Variants in OTUD3 observed in about 807,000 individuals in gnomAD.
OTUD3 encodes the protein OTU deubiquitinase 3, also known as OTU domain-containing protein 3.
A neutral mutation model predicts 46.2 loss-of-function variants in OTUD3; 24 were observed. The ratio of observed to expected loss-of-function variants is 0.52; its 90% confidence interval spans 0.38 to 0.73. The LOEUF is 0.73. Among genes scored for constraint, OTUD3 ranks in the 30% least tolerant of loss-of-function variants. The pLI is 0.00. For missense variants in OTUD3, 455 were observed against 523.3 expected, an observed-to-expected ratio of 0.87 and a Z score of 1.27; for synonymous variants, 189 against 195.4, an observed-to-expected ratio of 0.97 and a Z score of 0.27.
chr1:19,890,679 G>T, intron 2 of OTUD3, 146 bp downstream of exon 2: 1 of 755,612 alleles, frequency 1.3e-6, no homozygotes. Context: ...TGCCTACTTG[G>T]TTATCGGCAG....
Position 19,882,641 on chromosome 1 carries a change from C to G in OTUD3, c.128C>G (p.Ser43Cys). 2 of 1,462,420 alleles carry G rather than the reference C, an allele frequency of 1.4e-6. No homozygotes were observed. Among genetic ancestry groups the G allele is most frequent in the Non-Finnish European group, 1.8e-6 (2 of 1,109,284 alleles). 90.6% of individuals were successfully genotyped at this position (1,462,420 alleles called of 1,614,324 possible). ...LAKERRNRPE[S>C]GGGGGCEEEF... ...AAGGAGCGGCGGAATCGGCCGGAGT[C>G]TGGCGGCGGCGGCGGCTGCGAGGAG... Residue 43 changes from serine (S) to cysteine (C), a missense_variant, in exon 1 of 8, where the codon TCT becomes TGT. Physicochemically the swap from Ser to Cys is moderately radical, Grantham distance 112 (BLOSUM62 -1). Transcript: ENST00000375120.
chr1:19,897,009 C>T (rs1051805157), intron 3 of OTUD3, among the ~76,000 whole-genome samples: 1 of 152,154 alleles, frequency 6.6e-6, no homozygotes, highest in Non-Finnish European at 1.5e-5. Flanking sequence ...ATGCTATTTT[C>T]GTTTTAACGA....
intron 4 of OTUD3, among the ~76,000 whole-genome samples, chr1:19,900,176 A>G (rs2045567123): frequency 6.6e-6 from 1 of 152,174 alleles, no homozygotes; most frequent in Admixed American, 6.5e-5. Context: ...CCCATAGTTT[A>G]GAATAGTACT....
intron 4 of OTUD3, among the ~76,000 whole-genome samples, chr1:19,898,380 G>A (rs2045544176): frequency 1.3e-5 from 2 of 152,116 alleles, no homozygotes; most frequent in Non-Finnish European, 2.9e-5. Flanking sequence ...TTAATTTAAT[G>A]CATTAAAACA....
At chr1:19,900,953 T>C (rs1285643822) in intron 4 of OTUD3, among the ~76,000 whole-genome samples, 1 of 147,788 alleles carries the variant, frequency 6.8e-6, no homozygotes, top group Non-Finnish European at 1.5e-5. Context: ...AGTCTTGCTC[T>C]GTTGCCCTGT....
Position 19,882,405 on chromosome 1 carries a change from C to G in OTUD3, c.-109C>G. The G allele has an allele frequency of 7.7e-7, 1 of 1,299,390 alleles. No individual in the cohort carries two copies. The highest frequency in any genetic ancestry group is 9.7e-7 in the Non-Finnish European group (1 of 1,026,584). The allele number at this position is 1,299,390 out of a possible 1,614,324, so 80.5% of individuals were successfully genotyped here. A position where few individuals can be genotyped will look rare whatever the true frequency, so the allele number is the denominator to read the frequency against. On this transcript the variant is annotated 5_prime_UTR_variant, in exon 1 of 8. Coordinates refer to ENST00000375120, the MANE Select transcript of OTUD3 (RefSeq NM_015207.2). ...GGCGCAGGCGCGGTTGCTGCGTAGTCGTCGCCGGGCTCCGTTGCCCGCGCT... is the reference window on the plus strand; with the variant it reads ...GGCGCAGGCGCGGTTGCTGCGTAGTGGTCGCCGGGCTCCGTTGCCCGCGCT...
Position 19,882,643 on chromosome 1 carries a change from G to T in OTUD3, c.130G>T (p.Gly44Cys). The change falls in exon 1 of 8, where the codon GGC (glycine) becomes TGC (cysteine). Residue 44 changes from glycine to cysteine, a missense_variant. By Grantham distance (159) the Gly-to-Cys change is radical (BLOSUM62 -3). Coordinates refer to ENST00000375120, the MANE Select transcript of OTUD3 (RefSeq NM_015207.2). Reference sequence around the variant, plus strand: ...GGAGCGGCGGAATCGGCCGGAGTCTGGCGGCGGCGGCGGCTGCGAGGAGGA... The same window carrying T: ...GGAGCGGCGGAATCGGCCGGAGTCTTGCGGCGGCGGCGGCTGCGAGGAGGA... Reference protein sequence around the residue: ...AKERRNRPESGGGGGCEEEFV... With the variant: ...AKERRNRPESCGGGGCEEEFV... 7.0e-7 allele frequency: 1 copy of T among 1,437,624 alleles called. No individual in the cohort carries two copies. 89.1% of individuals were successfully genotyped at this position (1,437,624 alleles called of 1,614,324 possible).
intron 1 of OTUD3, among the ~76,000 whole-genome samples, chr1:19,888,235 C>T (rs1264049727): frequency 6.6e-6 from 1 of 152,180 alleles, no homozygotes; most frequent in South Asian, 2.1e-4. Context: ...AAAAATGATC[C>T]TGGAATGTCA....
intron 6 of OTUD3, among the ~76,000 whole-genome samples, chr1:19,905,372 T>C (rs79127348): frequency 0.021 from 3,139 of 152,132 alleles, 44 homozygotes; most frequent in Non-Finnish European, 0.033. Context: ...ATATTTAGAT[T>C]TGTATTAGCT....
chr1:19,901,902 C>A (rs2045594552), intron 4 of OTUD3, among the ~76,000 whole-genome samples: 1 of 152,092 alleles, frequency 6.6e-6, no homozygotes, highest in South Asian at 2.1e-4. Context: ...ATTTTTTGTG[C>A]ACCCATTCAT....
intron 1 of OTUD3, among the ~76,000 whole-genome samples, chr1:19,885,468 C>G (rs986111436): frequency 2.0e-5 from 3 of 152,100 alleles, no homozygotes; most frequent in Non-Finnish European, 2.9e-5. Flanking sequence ...TCTTCTACCC[C>G]CCTCAGACGG....
chr1:19,893,383 A>G (rs2045475607), intron 2 of OTUD3, among the ~76,000 whole-genome samples: 1 of 152,190 alleles, frequency 6.6e-6, no homozygotes, highest in Non-Finnish European at 1.5e-5. Flanking sequence ...AGCCAAAGGA[A>G]GAGATGCATA....
intron 2 of OTUD3, among the ~76,000 whole-genome samples, chr1:19,891,625 CAA>C (rs1367965445): frequency 1.2e-4 from 19 of 152,206 alleles, no homozygotes; most frequent in South Asian, 4.1e-4. Flanking sequence ...AGGGAGGAGA[CAA>C]GAGTGATTCT....
chr1:19,900,838 C>CT (rs2045577048), intron 4 of OTUD3, among the ~76,000 whole-genome samples: 1 of 136,480 alleles, frequency 7.3e-6, no homozygotes, highest in Non-Finnish European at 1.6e-5. Context: ...TATATGTTGT[C>CT]TTTTTTAAAA....
intron 1 of OTUD3, among the ~76,000 whole-genome samples, chr1:19,885,004 G>C (rs529593622): frequency 6.6e-6 from 1 of 152,284 alleles, no homozygotes; most frequent in East Asian, 1.9e-4. Context: ...CTCTCAGAGG[G>C]TGTCATGCTC....
chr1:19,897,687 C>T (rs1188815483), intron 4 of OTUD3, 25 bp downstream of exon 4: 13 of 1,608,594 alleles, frequency 8.1e-6, no homozygotes, highest in South Asian at 1.1e-5. Context: ...GGATTTCTCC[C>T]GTATTCCCCG....
chr1:19,902,859 T>C (rs2045609343), intron 4 of OTUD3, among the ~76,000 whole-genome samples: 1 of 152,108 alleles, frequency 6.6e-6, no homozygotes, highest in African/African-American at 2.4e-5. Flanking sequence ...ACCTCCAAAA[T>C]ATTGTTAAGT....
chr1:19,904,298 AAAGAG>A lies in OTUD3; in HGVS notation c.641_645del (p.Arg214LysfsTer10). 1.2e-6 allele frequency: 2 copies of A among 1,608,232 alleles called. No homozygotes were observed. Among genetic ancestry groups the A allele is most frequent in the Non-Finnish European group, 8.5e-7 (1 of 1,177,482 alleles). On this transcript the variant is annotated frameshift_variant, in exon 5 of 8. Coordinates refer to ENST00000375120, the MANE Select transcript of OTUD3 (RefSeq NM_015207.2). LOFTEE classifies it high-confidence loss of function. ...ATGCTTCATCAAGATGAATCAAATAAAAGAGAAAAGATCAAGACAAAGGGAATGGA... is the reference window on the plus strand; with the variant it reads ...ATGCTTCATCAAGATGAATCAAATAAAAAAGATCAAGACAAAGGGAATGGA...
At chr1:19,893,017 C>T (rs978651946) in intron 2 of OTUD3, among the ~76,000 whole-genome samples, 2 of 152,148 alleles carry the variant, frequency 1.3e-5, no homozygotes, top group Non-Finnish European at 2.9e-5. Context: ...CTCTCTCTCT[C>T]GTGTCTGTCT....
Sources: gnomAD v4.1 joint callset for allele counts (sites outside exome capture counted in the v4.1 genomes callset) on GRCh38, gnomAD v4.1.1 for gene constraint, MANE v1.5 for transcripts, NCBI Gene and HGNC (gene_info 2026-07-23, HGNC 2026-07-21) for gene names.